The following NBAS variants were observed in gnomAD, a reference collection of about 807,000 sequenced individuals.
NBAS encodes NBAS subunit of NRZ tethering complex, also known as NAG/BC035112 fusion.
In NBAS, 219 loss-of-function variants were observed where a neutral mutation model predicts 302.5. The ratio of observed to expected loss-of-function variants is 0.72; its 90% CI spans 0.65 to 0.81. The LOEUF (loss-of-function observed/expected upper bound fraction) is 0.81, where lower values mean the gene tolerates loss of function less well. NBAS is among the 30% of genes least tolerant of loss of function. The probability of loss-of-function intolerance (pLI) is 0.00; values close to 1 mark genes in which losing one functional copy is unlikely to be tolerated. For synonymous variants in NBAS, 1,118 were observed against 1,021.6 expected (o/e 1.09, Z -1.80); for missense variants, 2,932 against 2,841.6 (o/e 1.03, Z -0.72).
At chr2:15,024,069 C>T in the NBAS span, among the ~76,000 whole-genome samples, 1 of 152,090 alleles carries the variant, frequency 6.6e-6, no homozygotes, top group South Asian at 2.1e-4. Context: ...TTTTGTCACT[C>T]GGATAGTCAT....
the NBAS span, among the ~76,000 whole-genome samples, chr2:14,867,437 T>C: frequency 6.6e-6 from 1 of 152,124 alleles, no homozygotes; most frequent in African/African-American, 2.4e-5. Context: ...ATAAAATATA[T>C]AAATGTTCTA....
chr2:14,947,304 A>G, the NBAS span, among the ~76,000 whole-genome samples: 12 of 152,106 alleles, frequency 7.9e-5, no homozygotes, highest in African/African-American at 2.9e-4. Flanking sequence ...AGAAGACCCA[A>G]ATACATAAAA....
chr2:15,448,061 T>C (rs937687465), intron 21 of NBAS, among the ~76,000 whole-genome samples: 13 of 152,184 alleles, frequency 8.5e-5, no homozygotes, highest in Non-Finnish European at 1.5e-4. Flanking sequence ...GATCCCATCA[T>C]GGGAACTTGG....
At chr2:14,938,717 C>T in the NBAS span, among the ~76,000 whole-genome samples, 1 of 152,176 alleles carries the variant, frequency 6.6e-6, no homozygotes, top group Non-Finnish European at 1.5e-5. Context: ...CATTTTCATA[C>T]AACTATAAAC....
chr2:14,849,932 G>A, the NBAS span, among the ~76,000 whole-genome samples: 5 of 137,872 alleles, frequency 3.6e-5, no homozygotes, highest in East Asian at 1.9e-4. Flanking sequence ...TGAAGGAAGT[G>A]CTAAACATGG....
chr2:15,130,328 T>C, the NBAS span, among the ~76,000 whole-genome samples: 2 of 152,252 alleles, frequency 1.3e-5, no homozygotes, highest in African/African-American at 4.8e-5. Flanking sequence ...GGGTCAAACA[T>C]TGCTTTTTTA....
the NBAS span, among the ~76,000 whole-genome samples, chr2:14,999,880 C>T: frequency 6.6e-6 from 1 of 152,182 alleles, no homozygotes; most frequent in Non-Finnish European, 1.5e-5. Context: ...CCTTGAACCA[C>T]ACATTTCTCA....
intron 21 of NBAS, among the ~76,000 whole-genome samples, chr2:15,459,327 T>C (rs1484966096): frequency 6.6e-6 from 1 of 152,172 alleles, no homozygotes; most frequent in African/African-American, 2.4e-5. Flanking sequence ...GTAGGAAAGA[T>C]CATTTCCATT....
At chr2:15,184,378 T>C (rs1664973220) in intron 50 of NBAS, among the ~76,000 whole-genome samples, 2 of 152,164 alleles carry the variant, frequency 1.3e-5, no homozygotes, top group South Asian at 2.1e-4. Flanking sequence ...TAATATCTAA[T>C]GAAATAATTA....
At chr2:15,506,689 G>A (rs1661869555) in intron 10 of NBAS, among the ~76,000 whole-genome samples, 2 of 152,052 alleles carry the variant, frequency 1.3e-5, no homozygotes, top group African/African-American at 4.8e-5. Context: ...CAAAAGAACT[G>A]AGTAAGCATT....
At chr2:15,438,532 G>C (rs548324213) in intron 21 of NBAS, among the ~76,000 whole-genome samples, 2 of 152,258 alleles carry the variant, frequency 1.3e-5, no homozygotes, top group East Asian at 3.9e-4. Flanking sequence ...AACAAAAATA[G>C]ACAGCAGGAC....
the NBAS span, among the ~76,000 whole-genome samples, chr2:14,893,433 T>C: frequency 2.6e-5 from 4 of 152,238 alleles, no homozygotes; most frequent in African/African-American, 4.8e-5. Context: ...ATTTTTAAGA[T>C]GGATTTCTTT....
At chr2:15,292,801 ACAT>A in intron 40 of NBAS, 35 bp from the exon 41 acceptor site, 1 of 1,593,334 alleles carries the variant, frequency 6.3e-7, no homozygotes, top group Non-Finnish European at 8.6e-7. Context: ...CATTTTACCA[ACAT>A]CATACAAACA....
At chr2:15,225,876 G>GA (rs1014710978) in intron 47 of NBAS, among the ~76,000 whole-genome samples, 2 of 152,164 alleles carry the variant, frequency 1.3e-5, no homozygotes, top group Non-Finnish European at 1.5e-5. Flanking sequence ...GCAAGAAGTA[G>GA]AAAGGGAAAT....
the NBAS span, among the ~76,000 whole-genome samples, chr2:15,143,172 A>G: frequency 2.3e-4 from 35 of 152,338 alleles, 1 homozygote; most frequent in African/African-American, 7.7e-4. Context: ...TTGACCAGGT[A>G]CTCAGCCCCT....
At chr2:14,864,018 G>A in the NBAS span, among the ~76,000 whole-genome samples, 1 of 152,066 alleles carries the variant, frequency 6.6e-6, no homozygotes, top group Admixed American at 6.6e-5. Context: ...AAATCACTTA[G>A]TTACTAAGTA....
At chr2:15,394,182 A>T in intron 28 of NBAS, 45 bp downstream of exon 28, 1 of 1,528,302 alleles carries the variant, frequency 6.5e-7, no homozygotes, top group Non-Finnish European at 8.8e-7. Context: ...TTTTAAAAAT[A>T]TTTAAAATTA....
chr2:15,138,408 CAG>C, the NBAS span, among the ~76,000 whole-genome samples: 1 of 152,104 alleles, frequency 6.6e-6, no homozygotes, highest in Admixed American at 6.5e-5. Flanking sequence ...GCATTTTAAG[CAG>C]AGAGGTCATG....
chr2:15,520,341 A>G (rs540411654), intron 9 of NBAS, among the ~76,000 whole-genome samples: 1 of 152,270 alleles, frequency 6.6e-6, no homozygotes, highest in South Asian at 2.1e-4. Flanking sequence ...GGTAGAAGCT[A>G]CAGCAAGCCA....
Sources: allele counts gnomAD v4.1 joint callset (sites outside exome capture counted in the v4.1 genomes callset), GRCh38; gene constraint gnomAD v4.1.1; transcripts MANE v1.5; gene names NCBI Gene and HGNC (gene_info 2026-07-23, HGNC 2026-07-21).